The following HECTD4 variants were observed in gnomAD, a reference collection of about 807,000 sequenced individuals.
HECTD4 encodes the protein probable E3 ubiquitin-protein ligase HECTD4.
A neutral mutation model predicts 471.5 loss-of-function variants in HECTD4; 114 were observed. That is an observed-to-expected ratio of 0.24 (90% confidence interval 0.21 to 0.28). HECTD4 has a LOEUF of 0.28. Among genes scored for constraint, HECTD4 ranks in the 10% least tolerant of loss-of-function variants. The pLI, the probability that HECTD4 is intolerant of heterozygous loss-of-function variation, is 1.00. For missense variants in HECTD4, 3,866 were observed against 5,651.5 expected, an observed-to-expected ratio of 0.68 and a Z score of 10.13; for synonymous variants, 2,012 against 2,256.0, an observed-to-expected ratio of 0.89 and a Z score of 3.07.
chr12:112,209,215 A>G (rs1201706735), intron 50 of HECTD4, among the ~76,000 whole-genome samples: 1 of 152,140 alleles, frequency 6.6e-6, no homozygotes, highest in Non-Finnish European at 1.5e-5. Context: ...CAGAATCTTA[A>G]AACAGTTTGC....
chr12:112,358,536 G>C (rs749574106), intron 1 of HECTD4, among the ~76,000 whole-genome samples: 3 of 152,030 alleles, frequency 2.0e-5, no homozygotes, highest in Non-Finnish European at 4.4e-5. Context: ...TTAGTATAAG[G>C]TACAAATAGC....
intron 37 of HECTD4, 128 bp from the exon 38 acceptor site, chr12:112,233,213 G>GT: frequency 3.3e-5 from 11 of 336,110 alleles, no homozygotes; most frequent in South Asian, 1.2e-4. Flanking sequence ...ACTAACATTA[G>GT]CTTTTTTTTT....
At chr12:112,221,850 G>A (rs1348901696) in intron 44 of HECTD4, among the ~76,000 whole-genome samples, 1 of 151,514 alleles carries the variant, frequency 6.6e-6, no homozygotes, top group Admixed American at 6.6e-5. Context: ...TGCCTCCTGG[G>A]TTCAAGCGAT....
rs970535154 is a variant in HECTD4 at position 112,379,967 on chromosome 12, T to G, written c.177+1985A>C. On this transcript the variant is annotated intron_variant, in intron 1 of 75. Transcript: ENST00000682272. ...CTAGCAGGCCAGAGAGGTTCTTTCC[T>G]TTGAAAACCATTCTTCTGTGGAAAT... Among the ~76,000 whole-genome samples, 3 of 151,732 alleles carry G rather than the reference T, an allele frequency of 2.0e-5. No individual in the cohort carries two copies. The East Asian group carries it at 5.8e-4, about 29-fold the overall frequency.
At chr12:112,332,540 CAAA>C (rs58503491) in intron 1 of HECTD4, among the ~76,000 whole-genome samples, 6 of 63,008 alleles carry the variant, frequency 9.5e-5, no homozygotes, top group Admixed American at 1.7e-4. Context: ...GACTCTGTCT[CAAA>C]AAAAAAAAAA....
At position 112,162,108 on chromosome 12, in the gene HECTD4, C is replaced by T. The variant is rs1052001016; in HGVS notation, c.*279G>A. 1.7e-5 allele frequency: 6 copies of T among 360,082 alleles called. No individual in the cohort carries two copies. The highest frequency in any genetic ancestry group is 1.2e-4 in the African/African-American group (6 of 48,506). 22.3% of individuals were successfully genotyped at this position (360,082 alleles called of 1,614,324 possible). On this transcript the variant is annotated 3_prime_UTR_variant, in exon 76 of 76. Coordinates refer to ENST00000682272, the MANE Select transcript of HECTD4 (RefSeq NM_001388303.1). This position sits in a 1 kb window ranked among gnomAD's most constrained non-coding sequence, Gnocchi z 5.2. ...ATTAGAATCTGGTGGCCATGAGGGA[C>T]AATGTCCAAGAAGATCAAATTAGAC...
chr12:112,254,900 G>A, intron 21 of HECTD4, among the ~76,000 whole-genome samples: 1 of 152,164 alleles, frequency 6.6e-6, no homozygotes, highest in Non-Finnish European at 1.5e-5. Context: ...TCTGGCTTCT[G>A]TAAATACCAA....
chr12:112,237,108 TA>T lies in HECTD4; in HGVS notation c.5291-11del. ...GCCTCTGTGGAGCCACCTTCACAGT[TA>T]AAGAAAGAAAAAAAGAGATTGGTGA... On this transcript the variant is annotated splice_polypyrimidine_tract_variant and intron_variant, in intron 34 of 75. Transcript: ENST00000682272. 6.5e-7 allele frequency: 1 copy of T among 1,545,938 alleles called. No individual in the cohort carries two copies. The highest frequency in any genetic ancestry group is 8.7e-7 in the Non-Finnish European group (1 of 1,144,838).
intron 69 of HECTD4, 177 bp from the exon 70 acceptor site, chr12:112,169,835 C>T (rs1349994779): frequency 2.8e-6 from 2 of 709,306 alleles, no homozygotes; most frequent in South Asian, 3.4e-5. Context: ...TGCCTTAGCA[C>T]TCATGGCTCC....
chr12:112,244,082 C>G, intron 29 of HECTD4, 73 bp from the exon 30 acceptor site: 1 of 1,471,972 alleles, frequency 6.8e-7, no homozygotes, highest in Admixed American at 1.9e-5. Context: ...ACAGAACTAC[C>G]CAACAGTCTA....
In HECTD4 at chr12:112,235,132, A is replaced by G. The variant is rs755586992; in HGVS notation, c.5860T>C (p.Phe1954Leu). 3.2e-5 allele frequency: 51 copies of G among 1,609,612 alleles called. No individual in the cohort carries two copies. The highest frequency in any genetic ancestry group is 4.1e-5 in the Non-Finnish European group (48 of 1,177,924). The change falls in exon 37 of 76, where the codon TTT (phenylalanine) becomes CTT (leucine). Residue 1954 changes from phenylalanine to leucine, a missense_variant. Coordinates refer to ENST00000682272, the MANE Select transcript of HECTD4 (RefSeq NM_001388303.1). The surrounding 1 kb of genome is among the most constrained non-coding windows in gnomAD (Gnocchi z 5.0). ...SEAVDGKLSI[F>L]IHKREDQSSH... ...GACTGGTCTTCCCGCTTGTGGATAA[A>G]TATCGAGAGCTTGCCATCCACAGCC... is the stretch of plus-strand genomic sequence containing the variant.
intron 44 of HECTD4, among the ~76,000 whole-genome samples, chr12:112,222,037 C>T (rs988339207): frequency 3.3e-5 from 5 of 151,898 alleles, no homozygotes; most frequent in Non-Finnish European, 7.4e-5. Context: ...GATTCTTCTG[C>T]CTCAGCCACC....
intron 44 of HECTD4, among the ~76,000 whole-genome samples, chr12:112,220,364 G>GCA (rs376170975): frequency 2.6e-5 from 4 of 151,804 alleles, no homozygotes; most frequent in Non-Finnish European, 5.9e-5. Context: ...CCACACACAG[G>GCA]CACACACACA....
chr12:112,219,334 CA>C, intron 45 of HECTD4, 51 bp downstream of exon 45: 2 of 1,307,356 alleles, frequency 1.5e-6, no homozygotes. Context: ...TGGCCTTACT[CA>C]GTGATGTGTG....
chr12:112,328,032 C>T (rs1273299520), intron 1 of HECTD4, among the ~76,000 whole-genome samples: 2 of 152,172 alleles, frequency 1.3e-5, no homozygotes, highest in African/African-American at 4.8e-5. Flanking sequence ...TTATATGAAC[C>T]TGTCAGCATA....
chr12:112,308,656 A>C, intron 6 of HECTD4, 97 bp downstream of exon 6: 1 of 1,160,372 alleles, frequency 8.6e-7, no homozygotes, highest in Non-Finnish European at 1.2e-6. Flanking sequence ...TCTGGGAGGA[A>C]AATATATCAA....
At chr12:112,234,978 G>A (rs2033466131) in intron 37 of HECTD4, 99 bp downstream of exon 37, 10 of 1,067,108 alleles carry the variant, frequency 9.4e-6, no homozygotes, top group African/African-American at 1.6e-5. Flanking sequence ...GTGTAAAGAG[G>A]GCCGAGGCAG....
intron 60 of HECTD4, among the ~76,000 whole-genome samples, chr12:112,189,080 A>G (rs936371423): frequency 4.6e-5 from 7 of 152,170 alleles, no homozygotes; most frequent in African/African-American, 1.7e-4. Context: ...ATGTTGCTCC[A>G]TATCCTGAAC....
In HECTD4 at chr12:112,277,417, C is replaced by T. The variant is rs564802727; in HGVS notation, c.1687+1811G>A. ...TGTAAGTTTCCTAAGGCCTCTCCAG[C>T]AATGCGCAACTGATGGATAAAACAA... On this transcript the variant is annotated intron_variant, in intron 9 of 75. Transcript: ENST00000682272. Among the ~76,000 whole-genome samples, 5 of 152,276 alleles carry T rather than the reference C, an allele frequency of 3.3e-5. No homozygotes were observed. The East Asian group carries it at 7.7e-4, about 24-fold the overall frequency.
Sources: allele counts gnomAD v4.1 joint callset (sites outside exome capture counted in the v4.1 genomes callset), GRCh38; gene constraint gnomAD v4.1.1; non-coding constraint Gnocchi (gnomAD v3.1); transcripts MANE v1.5; gene names NCBI Gene and HGNC (gene_info 2026-07-23, HGNC 2026-07-21).